Variants in FRMD6 observed in about 807,000 individuals in gnomAD.
FRMD6 encodes FERM domain containing 6, also known as FERM domain-containing protein 6.
In FRMD6, 37 loss-of-function variants were observed where a neutral mutation model predicts 73.2. That is an observed-to-expected ratio of 0.51 (90% confidence interval 0.39 to 0.66). The LOEUF (loss-of-function observed/expected upper bound fraction) is 0.66, where lower values mean the gene tolerates loss of function less well. Among genes scored for constraint, FRMD6 ranks in the 30% least tolerant of loss-of-function variants. The probability of loss-of-function intolerance (pLI) is 0.00; values close to 1 mark genes in which losing one functional copy is unlikely to be tolerated. For synonymous variants in FRMD6, 273 were observed against 282.2 expected (o/e 0.97, Z 0.33); for missense variants, 714 against 780.5 (o/e 0.91, Z 1.02).
chr14:51,698,039 C>T, intron 2 of FRMD6, 103 bp from the exon 3 acceptor site: 1 of 726,696 alleles, frequency 1.4e-6, no homozygotes, highest in East Asian at 2.6e-5. Flanking sequence ...GTCAGCTTGT[C>T]CTTTCAAGGA....
At chr14:51,398,993 T>A in the FRMD6 span, among the ~76,000 whole-genome samples, 1 of 152,158 alleles carries the variant, frequency 6.6e-6, no homozygotes, top group Non-Finnish European at 1.5e-5. Flanking sequence ...ATGCTCCAGT[T>A]CTGTTTCCCA....
intron 1 of FRMD6, chr14:51,547,558 T>C (rs1439135919): frequency 6.6e-6 from 1 of 152,192 alleles, no homozygotes; most frequent in East Asian, 1.9e-4. Flanking sequence ...GCCAAATGCA[T>C]CTCCTGGTCT....
intron 1 of FRMD6, among the ~76,000 whole-genome samples, chr14:51,528,474 T>A (rs1344288822): frequency 6.6e-6 from 1 of 152,170 alleles, no homozygotes; most frequent in Non-Finnish European, 1.5e-5. Flanking sequence ...ATCTCTAATC[T>A]TCCGTATGTA....
intron 1 of FRMD6, among the ~76,000 whole-genome samples, chr14:51,511,443 T>C (rs1183853486): frequency 6.6e-6 from 1 of 152,212 alleles, no homozygotes; most frequent in Non-Finnish European, 1.5e-5. Context: ...GGGTTTGCTG[T>C]AGTAACTGGG....
At chr14:51,645,778 T>A (rs1892038342) in intron 2 of FRMD6, among the ~76,000 whole-genome samples, 1 of 152,108 alleles carries the variant, frequency 6.6e-6, no homozygotes, top group Non-Finnish European at 1.5e-5. Flanking sequence ...CTTTTACTCA[T>A]GATTCTTTCT....
At chr14:51,437,733 A>G in the FRMD6 span, among the ~76,000 whole-genome samples, 177 of 152,192 alleles carry the variant, frequency 1.2e-3, no homozygotes, top group Non-Finnish European at 1.7e-3. Flanking sequence ...ATGGTTCTCA[A>G]CTTATTTTGG....
At chr14:51,712,824 T>C (rs1403714700) in intron 9 of FRMD6, among the ~76,000 whole-genome samples, 2 of 152,242 alleles carry the variant, frequency 1.3e-5, no homozygotes, top group Non-Finnish European at 2.9e-5. Flanking sequence ...TAATTTATGT[T>C]TGGTCCGTAG....
chr14:51,601,533 C>T (rs1890036934), intron 2 of FRMD6, among the ~76,000 whole-genome samples: 1 of 152,182 alleles, frequency 6.6e-6, no homozygotes, highest in Non-Finnish European at 1.5e-5. Context: ...TGCTAAAGGA[C>T]TCATGAATGC....
At chr14:51,569,554 C>T (rs1176087646) in intron 1 of FRMD6, among the ~76,000 whole-genome samples, 1 of 130,896 alleles carries the variant, frequency 7.6e-6, no homozygotes, top group East Asian at 2.2e-4. Flanking sequence ...CCCAGGCTGG[C>T]GTGCAGTGGT....
the FRMD6 span, among the ~76,000 whole-genome samples, chr14:51,414,632 T>C: frequency 6.6e-6 from 1 of 152,234 alleles, no homozygotes; most frequent in Admixed American, 6.5e-5. Context: ...GTCTTGGCAA[T>C]GCAGGCTCTT....
intron 2 of FRMD6, among the ~76,000 whole-genome samples, chr14:51,695,237 T>C (rs899635284): frequency 2.0e-5 from 3 of 152,188 alleles, no homozygotes; most frequent in Admixed American, 2.0e-4. Context: ...AGTCACAAAT[T>C]TGTAGTATAT....
chr14:51,585,703 G>A (rs537484893), intron 2 of FRMD6, among the ~76,000 whole-genome samples: 18 of 151,342 alleles, frequency 1.2e-4, no homozygotes, highest in African/African-American at 3.9e-4. Flanking sequence ...CCCCTTGCCC[G>A]ATTCCCACCC....
At chr14:51,602,658 T>C (rs1890085791) in intron 2 of FRMD6, among the ~76,000 whole-genome samples, 1 of 152,208 alleles carries the variant, frequency 6.6e-6, no homozygotes, top group African/African-American at 2.4e-5. Context: ...CCAAAAAGCC[T>C]AAAATATTTA....
chr14:51,457,883 G>A, the FRMD6 span, among the ~76,000 whole-genome samples: 1 of 152,168 alleles, frequency 6.6e-6, no homozygotes, highest in Admixed American at 6.5e-5. Context: ...ACATAGAATG[G>A]ATGTTTACTA....
At chr14:51,420,067 G>A in the FRMD6 span, among the ~76,000 whole-genome samples, 11 of 152,160 alleles carry the variant, frequency 7.2e-5, no homozygotes, top group East Asian at 1.9e-4. Flanking sequence ...ATAAAATATC[G>A]TGAAAGTGAA....
At chr14:51,438,085 T>C in the FRMD6 span, among the ~76,000 whole-genome samples, 1 of 152,180 alleles carries the variant, frequency 6.6e-6, no homozygotes, top group Non-Finnish European at 1.5e-5. Context: ...CTTTAAAAAA[T>C]GGAGTTATAG....
At chr14:51,678,720 G>A (rs111874295) in intron 1 of FRMD6, among the ~76,000 whole-genome samples, 8 of 151,988 alleles carry the variant, frequency 5.3e-5, no homozygotes, top group African/African-American at 1.9e-4. Context: ...GTCCTCCATG[G>A]GGAGCAGGAG....
chr14:51,727,826 C>T lies in FRMD6; in HGVS notation c.1666C>T (p.Leu556=), dbSNP rs756131914. 1.9e-6 allele frequency: 3 copies of T among 1,614,146 alleles called. No individual in the cohort carries two copies. Among genetic ancestry groups the T allele is most frequent in the East Asian group, 4.5e-5 (2 of 44,890 alleles). The change falls in exon 14 of 14, where the codon CTG becomes TTG. Residue 556 remains leucine (L), a synonymous_variant. Transcript: ENST00000344768. ...CATCAGACTTTACCAGAAAGACTTC[C>T]TGCGCATTGCAGGTCTGTGTCAGGA... ...DDIRLYQKDF[L]RIAGLCQDTA... is the part of the protein sequence containing the mutation.
At chr14:51,663,886 G>A (rs61969835) in intron 1 of FRMD6, among the ~76,000 whole-genome samples, 15,351 of 152,172 alleles carry the variant, frequency 0.1, 1,012 homozygotes, top group Non-Finnish European at 0.15. Context: ...AAAGCACAAG[G>A]GGCTGGACTA....
Sources: allele counts gnomAD v4.1 joint callset (sites outside exome capture counted in the v4.1 genomes callset), GRCh38; gene constraint gnomAD v4.1.1; transcripts MANE v1.5; gene names NCBI Gene and HGNC (gene_info 2026-07-23, HGNC 2026-07-21).